COL21A1: variants seen among roughly 807,000 people sequenced by gnomAD.
The protein encoded by COL21A1 is collagen alpha-1(XXI) chain.
COL21A1 carries 149 observed loss-of-function variants against 137.9 expected under a neutral mutation model. The ratio of observed to expected loss-of-function variants is 1.08; its 90% CI spans 0.95 to 1.24. COL21A1 has a LOEUF of 1.24. Ranked by LOEUF, COL21A1 falls within the 50% of genes most tolerant of loss-of-function variation. The pLI is 0.00. For missense variants in COL21A1, 1,167 were observed against 1,158.4 expected, an observed-to-expected ratio of 1.01 and a Z score of -0.11; for synonymous variants, 456 against 391.5, an observed-to-expected ratio of 1.16 and a Z score of -1.95.
chr6:56,125,988 CTAAT>C, intron 13 of COL21A1, 104 bp downstream of exon 13: 1 of 632,946 alleles, frequency 1.6e-6, no homozygotes, highest in Non-Finnish European at 2.7e-6. Context: ...TACTTTATCT[CTAAT>C]TATATATGAA....
chr6:56,065,743 A>C (rs1362603748), intron 23 of COL21A1, among the ~76,000 whole-genome samples: 1 of 151,958 alleles, frequency 6.6e-6, no homozygotes, highest in Non-Finnish European at 1.5e-5. Context: ...GCAAGAGATA[A>C]CACTAAAAAA....
intron 10 of COL21A1, among the ~76,000 whole-genome samples, chr6:56,151,831 TAC>T (rs1775352055): frequency 2.6e-5 from 4 of 152,160 alleles, no homozygotes; most frequent in Non-Finnish European, 5.9e-5. Flanking sequence ...CTTGAACACA[TAC>T]TAATGACCCT....
intron 18 of COL21A1, among the ~76,000 whole-genome samples, chr6:56,076,752 T>G (rs1767279335): frequency 6.6e-6 from 1 of 151,220 alleles, no homozygotes; most frequent in Non-Finnish European, 1.5e-5. Flanking sequence ...AGCATAAAAT[T>G]AGAAGAAATA....
chr6:56,202,036 G>T (rs140988205), intron 1 of COL21A1, among the ~76,000 whole-genome samples: 1 of 151,942 alleles, frequency 6.6e-6, no homozygotes, highest in African/African-American at 2.4e-5. Flanking sequence ...AAAAAGTTCA[G>T]AATCAAAGGA....
At chr6:56,213,237 A>G (rs1278569660) in intron 1 of COL21A1, among the ~76,000 whole-genome samples, 1 of 152,182 alleles carries the variant, frequency 6.6e-6, no homozygotes, top group Non-Finnish European at 1.5e-5. Context: ...TTATTTCAAT[A>G]GATAAAATAC....
intron 1 of COL21A1, among the ~76,000 whole-genome samples, chr6:56,346,158 G>A (rs149409657): frequency 1.3e-3 from 203 of 152,206 alleles, no homozygotes; most frequent in African/African-American, 4.6e-3. Context: ...TGGCCAATGC[G>A]CAGATCAAAA....
intron 1 of COL21A1, among the ~76,000 whole-genome samples, chr6:56,214,742 G>C (rs982760599): frequency 6.6e-6 from 1 of 151,646 alleles, no homozygotes; most frequent in Non-Finnish European, 1.5e-5. Context: ...AACCAAAATG[G>C]TTATATTTTA....
chr6:56,302,669 T>C (rs982562006), intron 1 of COL21A1, among the ~76,000 whole-genome samples: 15 of 152,136 alleles, frequency 9.9e-5, no homozygotes, highest in African/African-American at 3.6e-4. Context: ...TTTTCTTCCA[T>C]TCTGTAGGTT....
intron 1 of COL21A1, among the ~76,000 whole-genome samples, chr6:56,367,407 T>C (rs1024961803): frequency 1.3e-5 from 2 of 152,220 alleles, no homozygotes; most frequent in African/African-American, 4.8e-5. Context: ...ATCTGGCCAA[T>C]GACCTGTGAA....
At chr6:56,373,767 CTG>C (rs1163557912) in intron 1 of COL21A1, among the ~76,000 whole-genome samples, 2 of 152,156 alleles carry the variant, frequency 1.3e-5, no homozygotes, top group Non-Finnish European at 2.9e-5. Flanking sequence ...TTCAAATCTA[CTG>C]TCTTAGCAAT....
At chr6:56,310,474 C>T (rs1162713538) in intron 1 of COL21A1, among the ~76,000 whole-genome samples, 9 of 152,122 alleles carry the variant, frequency 5.9e-5, no homozygotes, top group Admixed American at 5.9e-4. Context: ...AGATTGAGAA[C>T]CACTGTCTTA....
intron 10 of COL21A1, among the ~76,000 whole-genome samples, chr6:56,152,953 T>C (rs1775437343): frequency 6.6e-6 from 1 of 152,082 alleles, no homozygotes; most frequent in South Asian, 2.1e-4. Flanking sequence ...GGCTCACATT[T>C]ATAAAACTCA....
At chr6:56,317,732 T>C (rs1382344689) in intron 1 of COL21A1, among the ~76,000 whole-genome samples, 1 of 152,174 alleles carries the variant, frequency 6.6e-6, no homozygotes, top group Non-Finnish European at 1.5e-5. Flanking sequence ...ATTTCTCTAG[T>C]ACTCCTATCC....
chr6:56,103,696 C>T (rs1770643137), intron 16 of COL21A1, among the ~76,000 whole-genome samples: 1 of 152,114 alleles, frequency 6.6e-6, no homozygotes, highest in Non-Finnish European at 1.5e-5. Context: ...TTATGTTCTT[C>T]TTACTTTATA....
At chr6:56,179,472 T>A in intron 3 of COL21A1, 106 bp downstream of exon 3, 1 of 746,666 alleles carries the variant, frequency 1.3e-6, no homozygotes. Context: ...ATAATTGACA[T>A]TAAATATAAC....
intron 1 of COL21A1, among the ~76,000 whole-genome samples, chr6:56,345,961 C>G (rs1208378690): frequency 1.3e-5 from 2 of 152,226 alleles, no homozygotes; most frequent in Non-Finnish European, 2.9e-5. Flanking sequence ...TCACCATTCA[C>G]TTTTCAACAC....
intron 1 of COL21A1, among the ~76,000 whole-genome samples, chr6:56,300,902 A>G (rs1258766677): frequency 2.0e-5 from 3 of 152,164 alleles, no homozygotes; most frequent in Non-Finnish European, 4.4e-5. Context: ...CCCAATCTAA[A>G]CCTATCAAAT....
intron 17 of COL21A1, among the ~76,000 whole-genome samples, chr6:56,097,443 G>A (rs1769439384): frequency 1.3e-5 from 2 of 151,854 alleles, no homozygotes; most frequent in South Asian, 4.2e-4. Flanking sequence ...CCCCAACTAG[G>A]CTGTAAGCCT....
At chr6:56,321,634 A>T (rs72870262) in intron 1 of COL21A1, among the ~76,000 whole-genome samples, 8,528 of 152,272 alleles carry the variant, frequency 0.056, 319 homozygotes, top group Non-Finnish European at 0.083. Context: ...CACCACATCA[A>T]CAACACATTC....
Sources: allele counts gnomAD v4.1 joint callset (sites outside exome capture counted in the v4.1 genomes callset), GRCh38; gene constraint gnomAD v4.1.1; transcripts MANE v1.5; gene names NCBI Gene and HGNC (gene_info 2026-07-23, HGNC 2026-07-21).